Variants in LTBP1 observed in about 807,000 individuals in gnomAD.
LTBP1 encodes latent transforming growth factor beta binding protein 1.
A neutral mutation model predicts 207.6 loss-of-function variants in LTBP1; 129 were observed. The ratio of observed to expected loss-of-function variants is 0.62; its 90% CI spans 0.54 to 0.72. The LOEUF (loss-of-function observed/expected upper bound fraction) is 0.72. Among genes scored for constraint, LTBP1 ranks in the 30% least tolerant of loss-of-function variants. LTBP1 has a pLI of 0.00. For missense variants in LTBP1, 2,281 were observed against 2,217.2 expected, an observed-to-expected ratio of 1.03 and a Z score of -0.58; for synonymous variants, 963 against 833.7, an observed-to-expected ratio of 1.16 and a Z score of -2.67.
chr2:33,360,886 C>T (rs2094920319), intron 27 of LTBP1, 107 bp downstream of exon 27: 1 of 930,080 alleles, frequency 1.1e-6, no homozygotes, highest in Non-Finnish European at 1.6e-6. Flanking sequence ...GGCGACTTAC[C>T]TTATAGTGAG....
intron 5 of LTBP1, among the ~76,000 whole-genome samples, chr2:33,135,285 G>T (rs952133121): frequency 6.6e-6 from 1 of 152,164 alleles, no homozygotes. Context: ...GTGCTGATAA[G>T]CTTCAAATTT....
chr2:33,207,244 T>G (rs2089955258), intron 7 of LTBP1, among the ~76,000 whole-genome samples: 1 of 152,226 alleles, frequency 6.6e-6, no homozygotes, highest in Admixed American at 6.5e-5. Flanking sequence ...TTTGCCTTAG[T>G]GTAACTTTTA....
chr2:33,075,922 A>G (rs1170997028), intron 3 of LTBP1, among the ~76,000 whole-genome samples: 1 of 152,314 alleles, frequency 6.6e-6, no homozygotes, highest in Non-Finnish European at 1.5e-5. Context: ...TCCTCTTTTC[A>G]GGCTATGAGA....
intron 7 of LTBP1, 57 bp from the exon 8 acceptor site, chr2:33,217,495 T>C (rs2090798652): frequency 8.2e-7 from 1 of 1,222,022 alleles, no homozygotes; most frequent in African/African-American, 1.5e-5. Context: ...AGCAGTGCTC[T>C]GGGGCTGGGC....
intron 13 of LTBP1, among the ~76,000 whole-genome samples, chr2:33,261,908 G>T (rs2093022466): frequency 6.6e-6 from 1 of 152,212 alleles, no homozygotes; most frequent in African/African-American, 2.4e-5. Context: ...TCTGGAAGAG[G>T]ACAGAACCAA....
chr2:33,119,749 G>T (rs888479543), intron 4 of LTBP1, among the ~76,000 whole-genome samples: 3 of 152,018 alleles, frequency 2.0e-5, no homozygotes, highest in African/African-American at 7.3e-5. Context: ...TAGTAGAGGC[G>T]GGGTTTCACC....
At chr2:33,072,036 G>GC (rs35967736) in intron 3 of LTBP1, among the ~76,000 whole-genome samples, 95,983 of 151,922 alleles carry the variant, frequency 0.63, 32,937 homozygotes, top group South Asian at 0.78. Flanking sequence ...CCACGAGACT[G>GC]CCCCCGTTTC....
intron 15 of LTBP1, among the ~76,000 whole-genome samples, chr2:33,268,756 G>T (rs113954757): frequency 2.0e-5 from 3 of 152,176 alleles, no homozygotes; most frequent in African/African-American, 7.2e-5. Context: ...TCACTGTGGG[G>T]CAGTTAGGAA....
intron 4 of LTBP1, among the ~76,000 whole-genome samples, chr2:33,126,683 T>G (rs1014116739): frequency 6.6e-6 from 1 of 152,230 alleles, no homozygotes; most frequent in African/African-American, 2.4e-5. Context: ...TAGCTATATA[T>G]GATGATTTTG....
At chr2:33,052,785 ATAT>A (rs2076809228) in intron 3 of LTBP1, among the ~76,000 whole-genome samples, 1 of 152,032 alleles carries the variant, frequency 6.6e-6, no homozygotes, top group South Asian at 2.1e-4. Context: ...TCTTCAGGTT[ATAT>A]TATTATTTTC....
intron 3 of LTBP1, among the ~76,000 whole-genome samples, chr2:33,064,113 A>AAAG (rs1259205733): frequency 1.3e-5 from 2 of 152,186 alleles, no homozygotes; most frequent in Non-Finnish European, 2.9e-5. Flanking sequence ...TTGGCCTCCC[A>AAAG]AAGTGCTAGG....
chr2:33,149,370 GACA>G (rs1292288778), intron 5 of LTBP1, among the ~76,000 whole-genome samples: 1 of 151,388 alleles, frequency 6.6e-6, no homozygotes, highest in Non-Finnish European at 1.5e-5. Context: ...TTTCCTATCA[GACA>G]ACATCTTAGA....
intron 28 of LTBP1, among the ~76,000 whole-genome samples, chr2:33,362,585 T>G (rs55870451): frequency 0.1 from 15,345 of 152,172 alleles, 1,036 homozygotes; most frequent in Middle Eastern, 0.16. Flanking sequence ...GAAGATTGGA[T>G]TCAGATCCAA....
At chr2:33,241,240 G>A (rs931812504) in intron 9 of LTBP1, among the ~76,000 whole-genome samples, 1 of 152,132 alleles carries the variant, frequency 6.6e-6, no homozygotes, top group African/African-American at 2.4e-5. Context: ...TGCCAGTGCC[G>A]GTGGCACAAG....
intron 5 of LTBP1, among the ~76,000 whole-genome samples, chr2:33,148,886 G>T (rs1236864072): frequency 6.6e-6 from 1 of 152,150 alleles, no homozygotes; most frequent in East Asian, 1.9e-4. Context: ...GTGGGTGGAG[G>T]CCGGGGATGC....
intron 25 of LTBP1, among the ~76,000 whole-genome samples, chr2:33,346,651 C>G (rs2094705396): frequency 6.6e-6 from 1 of 151,016 alleles, no homozygotes; most frequent in African/African-American, 2.4e-5. Flanking sequence ...CGGCACTGCA[C>G]TCCAGCCTGG....
At chr2:32,994,468 T>TC (rs1345807191) in intron 2 of LTBP1, among the ~76,000 whole-genome samples, 1 of 150,368 alleles carries the variant, frequency 6.7e-6, no homozygotes, top group Non-Finnish European at 1.5e-5. Context: ...TATTAGTGAG[T>TC]CTTTTTTTTT....
At chr2:33,083,395 G>A (rs998499159) in intron 3 of LTBP1, among the ~76,000 whole-genome samples, 2 of 152,108 alleles carry the variant, frequency 1.3e-5, no homozygotes, top group Non-Finnish European at 2.9e-5. Context: ...GTTGAGGCGG[G>A]TCTTAGACAT....
At chr2:33,017,442 G>A (rs1450245607) in intron 2 of LTBP1, among the ~76,000 whole-genome samples, 4 of 152,192 alleles carry the variant, frequency 2.6e-5, no homozygotes. Flanking sequence ...CAGGCTTGGG[G>A]TAGCCCAAGG....
Sources: allele counts gnomAD v4.1 joint callset (sites outside exome capture counted in the v4.1 genomes callset), GRCh38; gene constraint gnomAD v4.1.1; transcripts MANE v1.5; gene names NCBI Gene and HGNC (gene_info 2026-07-23, HGNC 2026-07-21).